The following HNRNPUL1 variants were observed in gnomAD, a reference collection of about 807,000 sequenced individuals.
The protein encoded by HNRNPUL1 is heterogeneous nuclear ribonucleoprotein U like 1, also known as heterogeneous nuclear ribonucleoprotein U-like protein 1.
HNRNPUL1 carries 14 observed loss-of-function variants against 108.5 expected under a neutral mutation model. That is an observed-to-expected ratio of 0.13 (90% CI 0.09 to 0.20). The LOEUF (loss-of-function observed/expected upper bound fraction) is 0.20, where lower values mean the gene tolerates loss of function less well. Ranked by LOEUF, HNRNPUL1 falls within the 10% of genes least tolerant of loss-of-function variation. HNRNPUL1 has a pLI of 1.00. For missense variants in HNRNPUL1, 804 were observed against 1,168.3 expected (o/e 0.69, Z 4.55); for synonymous variants, 422 against 445.2 (o/e 0.95, Z 0.66).
At chr19:41,264,822 C>T (rs1358823906) in intron 1 of HNRNPUL1, 24 bp downstream of exon 1, 3 of 1,338,422 alleles carry the variant, frequency 2.2e-6, no homozygotes, top group Non-Finnish European at 2.9e-6. Flanking sequence ...GGGCGGGGGC[C>T]GGGGAGCCCG....
At chr19:41,303,945 C>G (rs1006721123) in intron 12 of HNRNPUL1, 27 bp from the exon 13 acceptor site, 9 of 1,585,522 alleles carry the variant, frequency 5.7e-6, no homozygotes, top group Non-Finnish European at 6.0e-6. Context: ...AATGATGGCG[C>G]CTTTCATCTG....
At chr19:41,282,714 G>A (rs1263534307) in intron 7 of HNRNPUL1, among the ~76,000 whole-genome samples, 1 of 147,034 alleles carries the variant, frequency 6.8e-6, no homozygotes, top group African/African-American at 2.5e-5. Context: ...TTTTGAGACG[G>A]AGTCTCGCTC....
At chr19:41,282,199 G>T (rs962379556) in intron 7 of HNRNPUL1, among the ~76,000 whole-genome samples, 2 of 151,760 alleles carry the variant, frequency 1.3e-5, no homozygotes, top group Non-Finnish European at 2.9e-5. Flanking sequence ...ATTTATTTTT[G>T]AGATGAGTTT....
At chr19:41,290,740 A>G (rs2036530592) in intron 7 of HNRNPUL1, among the ~76,000 whole-genome samples, 1 of 152,178 alleles carries the variant, frequency 6.6e-6, no homozygotes, top group Non-Finnish European at 1.5e-5. Flanking sequence ...TAAATGGTAG[A>G]ACTGAAGCCA....
chr19:41,275,444 T>C (rs2035492408), intron 4 of HNRNPUL1, among the ~76,000 whole-genome samples: 1 of 151,966 alleles, frequency 6.6e-6, no homozygotes. Flanking sequence ...GCCGAGATCA[T>C]GCCTCCGTAC....
intron 10 of HNRNPUL1, among the ~76,000 whole-genome samples, chr19:41,296,695 T>G (rs1460368714): frequency 6.6e-6 from 1 of 152,220 alleles, no homozygotes; most frequent in African/African-American, 2.4e-5. Context: ...ATCCTGGCAC[T>G]TCCATTCCAC....
chr19:41,281,071 T>C, intron 6 of HNRNPUL1, 92 bp from the exon 7 acceptor site: 2 of 825,806 alleles, frequency 2.4e-6, no homozygotes, highest in Non-Finnish European at 4.1e-6. Context: ...AAGAAAATGA[T>C]TTTTTTCTTC....
rs778058854 is a variant in HNRNPUL1, at chr19:41,294,541, C to T, written c.1390-17C>T. On this transcript the variant is annotated splice_polypyrimidine_tract_variant and intron_variant, in intron 9 of 14. Coordinates refer to ENST00000392006, the MANE Select transcript of HNRNPUL1 (RefSeq NM_007040.6). The surrounding 1 kb of genome is among the most constrained non-coding windows in gnomAD (Gnocchi z 4.3). ...TGCAACTAAAATCACTCACCCCTCA[C>T]CAATTCCTGCCCGCAGGTGATGGGC... 4.3e-6 allele frequency: 7 copies of T among 1,614,048 alleles called. No individual in the cohort carries two copies. The South Asian group carries it at 7.7e-5, about 18-fold the overall frequency.
At chr19:41,272,701 G>T (rs959897887) in intron 3 of HNRNPUL1, among the ~76,000 whole-genome samples, 9 of 152,172 alleles carry the variant, frequency 5.9e-5, no homozygotes, top group African/African-American at 1.9e-4. Flanking sequence ...TTTGCCTTCT[G>T]TTGTTCCAGT....
chr19:41,300,701 C>T (rs1174315801), intron 10 of HNRNPUL1, among the ~76,000 whole-genome samples: 2 of 152,354 alleles, frequency 1.3e-5, no homozygotes, highest in East Asian at 1.9e-4. Context: ...TTACTGCTCT[C>T]AACCACATAT....
intron 1 of HNRNPUL1, among the ~76,000 whole-genome samples, chr19:41,266,174 CCT>C (rs1430784402): frequency 7.2e-5 from 11 of 152,230 alleles, no homozygotes; most frequent in Admixed American, 7.2e-4. Flanking sequence ...GTGGCTCACG[CCT>C]GTTATTCCAG....
At chr19:41,265,329 C>T (rs1225849199) in intron 1 of HNRNPUL1, 10 of 814,028 alleles carry the variant, frequency 1.2e-5, no homozygotes, top group Non-Finnish European at 1.7e-5. Context: ...CGATCCTGGG[C>T]GTTCTCCTAT....
chr19:41,282,684 C>A (rs1434798461), intron 7 of HNRNPUL1, among the ~76,000 whole-genome samples: 1 of 150,270 alleles, frequency 6.7e-6, no homozygotes. Context: ...ATATTTTTTT[C>A]TTTTTTTCTT....
intron 4 of HNRNPUL1, among the ~76,000 whole-genome samples, chr19:41,275,136 G>A (rs1365864015): frequency 1.3e-5 from 2 of 152,158 alleles, no homozygotes; most frequent in Non-Finnish European, 2.9e-5. Context: ...GGGCACCTGG[G>A]CATTGGTTCC....
At chr19:41,287,874 A>G (rs955366825) in intron 7 of HNRNPUL1, among the ~76,000 whole-genome samples, 7 of 152,114 alleles carry the variant, frequency 4.6e-5, no homozygotes, top group Non-Finnish European at 8.8e-5. Flanking sequence ...ATATGTTTTC[A>G]ATAAAACATT....
intron 3 of HNRNPUL1, 100 bp downstream of exon 3, chr19:41,272,335 T>A (rs2035291848): frequency 1.7e-6 from 2 of 1,167,930 alleles, no homozygotes; most frequent in Admixed American, 2.2e-5. Flanking sequence ...AGGGGCTGAG[T>A]AAAGATTCCC....
intron 7 of HNRNPUL1, among the ~76,000 whole-genome samples, chr19:41,287,458 ATCTGGCCTGGGATCATATTGCATTC>A (rs1462455271): frequency 1.3e-5 from 2 of 152,154 alleles, no homozygotes; most frequent in African/African-American, 2.4e-5. Context: ...TCAGGATCTG[ATCTGGCCTGGGATCATATTGCATTC>A]TCTTGCCATG....
intron 8 of HNRNPUL1, among the ~76,000 whole-genome samples, chr19:41,293,852 A>G (rs1045657841): frequency 6.6e-6 from 1 of 152,102 alleles, no homozygotes; most frequent in Non-Finnish European, 1.5e-5. Context: ...AAAAGAGAGA[A>G]AAAGATTAGC....
intron 12 of HNRNPUL1, 70 bp from the exon 13 acceptor site, chr19:41,303,902 A>G: frequency 6.5e-7 from 1 of 1,546,676 alleles, no homozygotes; most frequent in Admixed American, 1.9e-5. Flanking sequence ...GTAGTCACCA[A>G]GACAACCCAG....
Sources: allele counts gnomAD v4.1 joint callset (sites outside exome capture counted in the v4.1 genomes callset), GRCh38; gene constraint gnomAD v4.1.1; non-coding constraint Gnocchi (gnomAD v3.1); transcripts MANE v1.5; gene names NCBI Gene and HGNC (gene_info 2026-07-23, HGNC 2026-07-21).